CRYBG1: variants seen among roughly 807,000 people sequenced by gnomAD.
CRYBG1 encodes crystallin beta-gamma domain containing 1.
A neutral mutation model predicts 189.2 loss-of-function variants in CRYBG1; 139 were observed. The observed-to-expected ratio is 0.73, with a 90% CI of 0.64 to 0.85. The LOEUF is 0.85. Among genes scored for constraint, CRYBG1 ranks in the 40% least tolerant of loss-of-function variants. CRYBG1 has a pLI of 0.00. For synonymous variants in CRYBG1, 1,023 were observed against 1,017.1 expected (o/e 1.01, Z -0.11); for missense variants, 2,611 against 2,675.8 (o/e 0.98, Z 0.53).
At chr6:106,541,241 C>T (rs1411852786) in intron 9 of CRYBG1, 5 of 497,078 alleles carry the variant, frequency 1.0e-5, no homozygotes, top group African/African-American at 7.8e-5. Flanking sequence ...AGACAGTGGC[C>T]TGGGAGAATC....
chr6:106,393,537 C>T (rs369004732), intron 1 of CRYBG1, among the ~76,000 whole-genome samples: 3 of 152,206 alleles, frequency 2.0e-5, no homozygotes. Flanking sequence ...TTGGATGGTG[C>T]ACAGTCCATA....
At position 106,552,762 on chromosome 6, in the gene CRYBG1, A is replaced by G. The variant is rs144645830; in HGVS notation, c.5472+546A>G. Among the ~76,000 whole-genome samples, 3 of 152,302 alleles carry G rather than the reference A, an allele frequency of 2.0e-5. No individual in the cohort carries two copies. In the East Asian group the frequency reaches 5.8e-4, roughly 29 times the overall value. ...AATTCTTATAAAATGCTTATTGTAT[A>G]AAGCTGAATTTTATATCATTACATT... On this transcript the variant is annotated intron_variant, in intron 15 of 21. Coordinates refer to ENST00000633556, the MANE Select transcript of CRYBG1 (RefSeq NM_001371242.2).
intron 1 of CRYBG1, among the ~76,000 whole-genome samples, chr6:106,405,028 G>A (rs923168305): frequency 1.3e-5 from 2 of 151,850 alleles, no homozygotes; most frequent in South Asian, 4.2e-4. Context: ...ACGCCAGTAA[G>A]ACAGAACTGT....
chr6:106,448,474 C>A (rs115448747), intron 1 of CRYBG1, among the ~76,000 whole-genome samples: 3,398 of 152,246 alleles, frequency 0.022, 102 homozygotes, highest in African/African-American at 0.066. Context: ...GATCATGACC[C>A]CAAGTATAGA....
At chr6:106,491,194 G>A (rs1021947069) in intron 2 of CRYBG1, among the ~76,000 whole-genome samples, 1 of 152,224 alleles carries the variant, frequency 6.6e-6, no homozygotes, top group Non-Finnish European at 1.5e-5. Context: ...GAAGGTCTCA[G>A]TACAAAGGCT....
At chr6:106,544,170 A>G (rs1656497614) in intron 11 of CRYBG1, among the ~76,000 whole-genome samples, 2 of 152,238 alleles carry the variant, frequency 1.3e-5, no homozygotes, top group Non-Finnish European at 2.9e-5. Context: ...ATATTTTTGC[A>G]TCTTATAGAT....
chr6:106,448,096 C>T (rs899354244), intron 1 of CRYBG1, among the ~76,000 whole-genome samples: 2 of 152,258 alleles, frequency 1.3e-5, no homozygotes, highest in African/African-American at 4.8e-5. Context: ...CGGGGCTGGG[C>T]AAGAAGCTGC....
intron 2 of CRYBG1, among the ~76,000 whole-genome samples, chr6:106,457,755 G>C (rs1771918642): frequency 6.6e-6 from 1 of 152,190 alleles, no homozygotes; most frequent in Non-Finnish European, 1.5e-5. Context: ...CACATGGGTA[G>C]ATCTAGTACC....
intron 20 of CRYBG1, among the ~76,000 whole-genome samples, chr6:106,561,957 C>T (rs1199191670): frequency 1.3e-5 from 2 of 152,104 alleles, no homozygotes; most frequent in Non-Finnish European, 2.9e-5. Context: ...TAGAAAATGG[C>T]CCATGTCCCT....
intron 1 of CRYBG1, among the ~76,000 whole-genome samples, chr6:106,429,629 C>G (rs1472526648): frequency 2.6e-5 from 4 of 152,130 alleles, no homozygotes; most frequent in Non-Finnish European, 5.9e-5. Flanking sequence ...CCTTATAGTA[C>G]AGTAAATAGT....
intron 1 of CRYBG1, among the ~76,000 whole-genome samples, chr6:106,413,337 G>A (rs1329374811): frequency 1.3e-5 from 2 of 152,160 alleles, no homozygotes; most frequent in South Asian, 2.1e-4. Context: ...TCACTGTGCT[G>A]TAACTGGAAG....
intron 2 of CRYBG1, among the ~76,000 whole-genome samples, chr6:106,506,549 T>C (rs1437603007): frequency 6.7e-6 from 1 of 149,930 alleles, no homozygotes; most frequent in Non-Finnish European, 1.5e-5. Flanking sequence ...GCCTCCTGGA[T>C]TGAAGCAATT....
At chr6:106,483,403 A>ATAT (rs1448906912) in intron 2 of CRYBG1, among the ~76,000 whole-genome samples, 2 of 105,278 alleles carry the variant, frequency 1.9e-5, no homozygotes, top group African/African-American at 5.5e-5. Flanking sequence ...TATATATATA[A>ATAT]AACATTTTCT....
At chr6:106,363,116 C>A (rs145326331) in intron 1 of CRYBG1, among the ~76,000 whole-genome samples, 2 of 150,232 alleles carry the variant, frequency 1.3e-5, no homozygotes, top group Non-Finnish European at 3.0e-5. Flanking sequence ...TGGTGGCGCG[C>A]GCCTGTAGTC....
intron 1 of CRYBG1, among the ~76,000 whole-genome samples, chr6:106,377,494 C>T (rs1770191492): frequency 6.6e-6 from 1 of 151,886 alleles, no homozygotes; most frequent in Non-Finnish European, 1.5e-5. Context: ...CTTTTAAATC[C>T]AATAAATGTA....
At position 106,475,640 on chromosome 6, in the gene CRYBG1, A is replaced by G. The variant is rs144225086; in HGVS notation, c.312+23808A>G. On this transcript the variant is annotated intron_variant, in intron 2 of 21. Transcript: ENST00000633556. Reference sequence around the variant, plus strand: ...AAAAGCAGGATGACTTGAAAGATATATAGTGCTGTCTCTGTTTAAGGCTTT... The same window carrying G: ...AAAAGCAGGATGACTTGAAAGATATGTAGTGCTGTCTCTGTTTAAGGCTTT... 3.9e-3 allele frequency among the ~76,000 whole-genome samples: 600 copies of G among 152,324 alleles called. 4 individuals are homozygous for G. The highest frequency in any genetic ancestry group is 6.8e-3 in the Middle Eastern group (2 of 294).
chr6:106,555,901 A>G lies in CRYBG1; in HGVS notation c.5715+4A>G. ...GTCTCTTCGTTTTATAGATGTTGTA[A>G]GTATGTCATTGTGAATAGTGTTGCA... On this transcript the variant is annotated splice_donor_region_variant and intron_variant, in intron 17 of 21. Coordinates refer to ENST00000633556, the MANE Select transcript of CRYBG1 (RefSeq NM_001371242.2). The G allele has an allele frequency of 6.2e-7, 1 of 1,614,158 alleles. No homozygotes were observed. Among genetic ancestry groups the G allele is most frequent in the Non-Finnish European group, 8.5e-7 (1 of 1,179,980 alleles).
rs1373401014 is a variant in CRYBG1, at chr6:106,511,777, G to A, written c.660G>A (p.Ala220=). Reference sequence around the variant, plus strand: ...CACCTCGCTGGAGCAGCAGTGCAGCGGCTGTGGCTGTGCAGCAGTGCCATG... The same window carrying A: ...CACCTCGCTGGAGCAGCAGTGCAGCAGCTGTGGCTGTGCAGCAGTGCCATG... ...ELSPRWSSSA[A]AVAVQQCHEN... Residue 220 remains alanine (A), a synonymous_variant, in exon 3 of 22, where the codon GCG becomes GCA. Transcript: ENST00000633556. 18 of 1,534,262 alleles carry A rather than the reference G, an allele frequency of 1.2e-5. No homozygotes were observed. Among genetic ancestry groups the A allele is most frequent in the Admixed American group, 5.9e-5 (3 of 50,846 alleles).
intron 2 of CRYBG1, among the ~76,000 whole-genome samples, chr6:106,505,091 C>G (rs550392290): frequency 6.6e-6 from 1 of 151,588 alleles, no homozygotes; most frequent in Admixed American, 6.6e-5. Flanking sequence ...CCCCACCTCA[C>G]CTGGCTAACT....
Sources: gnomAD v4.1 joint callset for allele counts (sites outside exome capture counted in the v4.1 genomes callset) on GRCh38, gnomAD v4.1.1 for gene constraint, MANE v1.5 for transcripts, NCBI Gene and HGNC (gene_info 2026-07-23, HGNC 2026-07-21) for gene names.